Variants in RAB31 observed in about 807,000 individuals in gnomAD.
RAB31 encodes RAB31, member RAS oncogene family, also known as ras-related protein Rab-31.
RAB31 carries 21 observed loss-of-function variants against 25.6 expected under a neutral mutation model. That is an observed-to-expected ratio of 0.82 (90% confidence interval 0.58 to 1.18). RAB31 has a LOEUF of 1.18. Ranked by LOEUF, RAB31 falls within the 50% of genes most tolerant of loss-of-function variation. The pLI is 0.00. For missense variants in RAB31, 196 were observed against 250.1 expected (o/e 0.78, Z 1.46); for synonymous variants, 87 against 84.0 (o/e 1.04, Z -0.20).
rs80348624 is a variant in RAB31 at position 9,818,815 on chromosome 18, T to C, written c.380+3593T>C. Among the ~76,000 whole-genome samples the C allele has an allele frequency of 1.0e-2, 1,516 of 152,318 alleles. 26 individuals are homozygous for C. The highest frequency in any genetic ancestry group is 0.035 in the African/African-American group (1,437 of 41,576). On this transcript the variant is annotated intron_variant, in intron 5 of 6. Transcript: ENST00000578921. The stretch of plus-strand genomic sequence containing the variant: ...CATCCTCACCAACATTTATTGCCTG[T>C]CTTTTTGATCATAGGCATCCTAGTG...
chr18:9,829,173 C>A (rs934149029), intron 5 of RAB31, among the ~76,000 whole-genome samples: 7 of 152,172 alleles, frequency 4.6e-5, no homozygotes, highest in African/African-American at 1.7e-4. Context: ...AACCCTTCCC[C>A]AATCGTATCC....
intron 6 of RAB31, among the ~76,000 whole-genome samples, chr18:9,848,438 G>T (rs542273881): frequency 6.6e-6 from 1 of 152,184 alleles, no homozygotes; most frequent in South Asian, 2.1e-4. Flanking sequence ...CCATCTGTCC[G>T]CCTGTCTATC....
chr18:9,731,332 T>G lies in RAB31; in HGVS notation c.39+22888T>G, dbSNP rs777758765. On this transcript the variant is annotated intron_variant, in intron 1 of 6. Coordinates refer to ENST00000578921, the MANE Select transcript of RAB31 (RefSeq NM_006868.4). The stretch of plus-strand genomic sequence containing the variant: ...TGGTCTTTTCTTCCATTTTGCTGTT[T>G]TTTTGGACATTAAATAATTTATTAC... Among the ~76,000 whole-genome samples the G allele has an allele frequency of 1.1e-4, 17 of 152,332 alleles. No homozygotes were observed. In the East Asian group the frequency reaches 2.9e-3, roughly 26 times the overall value.
intron 3 of RAB31, among the ~76,000 whole-genome samples, chr18:9,805,161 C>G (rs1042267238): frequency 6.6e-6 from 1 of 151,556 alleles, no homozygotes; most frequent in African/African-American, 2.4e-5. Flanking sequence ...GAGACCGAGA[C>G]AGGAGGACCA....
chr18:9,738,696 G>A (rs1030723565), intron 1 of RAB31, among the ~76,000 whole-genome samples: 4 of 152,086 alleles, frequency 2.6e-5, no homozygotes, highest in Non-Finnish European at 5.9e-5. Flanking sequence ...TGTTTCCCGG[G>A]GTTCTGTGAG....
chr18:9,769,663 A>G (rs936231952), intron 1 of RAB31, among the ~76,000 whole-genome samples: 1 of 152,134 alleles, frequency 6.6e-6, no homozygotes, highest in Non-Finnish European at 1.5e-5. Context: ...TTCTTTTCCT[A>G]TTTGAATACC....
intron 1 of RAB31, among the ~76,000 whole-genome samples, chr18:9,751,685 C>T (rs1339840321): frequency 1.3e-5 from 2 of 152,198 alleles, no homozygotes; most frequent in East Asian, 1.9e-4. Flanking sequence ...GACATATAAA[C>T]AATACTTGTA....
At chr18:9,780,943 A>AAAACG (rs774887642) in intron 2 of RAB31, among the ~76,000 whole-genome samples, 2 of 114,490 alleles carry the variant, frequency 1.7e-5, no homozygotes, top group African/African-American at 4.7e-5. Context: ...CTCAAAAAAC[A>AAAACG]AAACAAAACA....
At chr18:9,799,864 G>A (rs2068504988) in intron 3 of RAB31, among the ~76,000 whole-genome samples, 1 of 152,228 alleles carries the variant, frequency 6.6e-6, no homozygotes, top group Non-Finnish European at 1.5e-5. Context: ...TGTGCATGGT[G>A]TGTTGTACCA....
chr18:9,783,780 A>T (rs1346792769), intron 2 of RAB31, among the ~76,000 whole-genome samples: 2 of 152,220 alleles, frequency 1.3e-5, no homozygotes, highest in Admixed American at 1.3e-4. Flanking sequence ...CTTGAGAAAA[A>T]TTCCTTTACA....
intron 3 of RAB31, among the ~76,000 whole-genome samples, chr18:9,803,961 G>A (rs766882931): frequency 3.3e-5 from 5 of 152,228 alleles, no homozygotes; most frequent in Non-Finnish European, 7.3e-5. Flanking sequence ...AAGGAGGAAG[G>A]ACATGTTCAT....
chr18:9,806,612 C>T (rs929323508), intron 3 of RAB31, among the ~76,000 whole-genome samples: 1 of 152,134 alleles, frequency 6.6e-6, no homozygotes. Context: ...CCCAAGATGC[C>T]ACAGAATGGA....
Position 9,766,287 on chromosome 18 carries a change from C to T in RAB31, c.40-8991C>T, listed in dbSNP as rs1363714738. ...TGCTCCAAGATGTGGAGGCGCCTTC[C>T]TGCGTGACCTCATCTCTGCATCTGC... On this transcript the variant is annotated intron_variant, in intron 1 of 6. Coordinates refer to ENST00000578921, the MANE Select transcript of RAB31 (RefSeq NM_006868.4). This position sits in a 1 kb window ranked among gnomAD's most constrained non-coding sequence, Gnocchi z 4.3. Among the ~76,000 whole-genome samples, 1 of 152,212 alleles carries T rather than the reference C, an allele frequency of 6.6e-6. No homozygotes were observed. Among genetic ancestry groups the T allele is most frequent in the Non-Finnish European group, 1.5e-5 (1 of 68,036 alleles).
intron 5 of RAB31, among the ~76,000 whole-genome samples, chr18:9,833,795 T>C (rs1031689638): frequency 6.6e-6 from 1 of 152,090 alleles, no homozygotes; most frequent in South Asian, 2.1e-4. Context: ...TATTAGAAAA[T>C]AGTACAGTAA....
intron 2 of RAB31, among the ~76,000 whole-genome samples, chr18:9,790,170 A>C (rs2068453036): frequency 6.6e-6 from 1 of 152,192 alleles, no homozygotes; most frequent in Non-Finnish European, 1.5e-5. Flanking sequence ...AATCAGTGAT[A>C]ATATCTTGCA....
intron 5 of RAB31, among the ~76,000 whole-genome samples, chr18:9,842,093 G>A (rs1432842330): frequency 6.6e-6 from 1 of 152,134 alleles, no homozygotes; most frequent in African/African-American, 2.4e-5. Flanking sequence ...GATAGTGAGG[G>A]CGAGGGGTGG....
chr18:9,844,272 C>T (rs569830992), intron 5 of RAB31, among the ~76,000 whole-genome samples: 6 of 152,230 alleles, frequency 3.9e-5, no homozygotes, highest in African/African-American at 1.2e-4. Flanking sequence ...TCTCTCCATT[C>T]GGGCCCGTGT....
chr18:9,708,430 G>A lies in RAB31; in HGVS notation c.25G>A (p.Val9Met), dbSNP rs757213028. 3.2e-6 allele frequency: 5 copies of A among 1,570,784 alleles called. No homozygotes were observed. Among genetic ancestry groups the A allele is most frequent in the Non-Finnish European group, 4.3e-6 (5 of 1,160,062 alleles). ...CATGATGGCGATACGGGAGCTCAAA[G>A]TGTGCCTTCTCGGGGTGAGTCCTGG... Reference protein sequence around the residue: MMAIRELKVCLLGDTGVGK... With the variant: MMAIRELKMCLLGDTGVGK... The change falls in exon 1 of 7, where the codon GTG (valine) becomes ATG (methionine). Residue 9 changes from valine to methionine, a missense_variant. Coordinates refer to ENST00000578921, the MANE Select transcript of RAB31 (RefSeq NM_006868.4). This position sits in a 1 kb window ranked among gnomAD's most constrained non-coding sequence, Gnocchi z 6.4.
chr18:9,798,465 CATT>C (rs1231199649), intron 3 of RAB31, among the ~76,000 whole-genome samples: 1 of 152,180 alleles, frequency 6.6e-6, no homozygotes, highest in Non-Finnish European at 1.5e-5. Context: ...TGTTCTGTCT[CATT>C]AATTATTGGA....
Sources: gnomAD v4.1 joint callset for allele counts (sites outside exome capture counted in the v4.1 genomes callset) on GRCh38, gnomAD v4.1.1 for gene constraint, Gnocchi (gnomAD v3.1) non-coding constraint, MANE v1.5 for transcripts, NCBI Gene and HGNC (gene_info 2026-07-23, HGNC 2026-07-21) for gene names.